The following FAM240A variants were observed in gnomAD, a reference collection of about 807,000 sequenced individuals.
FAM240A encodes the protein family with sequence similarity 240 member A.
In FAM240A, 8 loss-of-function variants were observed where a neutral mutation model predicts 7.3. That is an observed-to-expected ratio of 1.09 (90% CI 0.64 to 1.97). FAM240A has a LOEUF of 1.97. FAM240A is among the 30% of genes most tolerant of loss of function. The pLI is 0.00. For synonymous variants in FAM240A, 32 were observed against 35.9 expected, an observed-to-expected ratio of 0.89 and a Z score of 0.38; for missense variants, 90 against 102.2, an observed-to-expected ratio of 0.88 and a Z score of 0.52.
rs975692471 is a variant in FAM240A, at chr3:46,625,277, G to A, written c.*59G>A. On this transcript the variant is annotated 3_prime_UTR_variant, in exon 3 of 3. Coordinates refer to ENST00000640551, the MANE Select transcript of FAM240A (RefSeq NM_001195442.2). ...AAACACTGAGGTCACTTTGCTAGAA[G>A]TCAGTGCAAATTCCTGAGTCCCTTT... 3 of 1,326,860 alleles carry A rather than the reference G, an allele frequency of 2.3e-6. No individual in the cohort carries two copies. The African/African-American group carries it at 4.4e-5, about 19-fold the overall frequency. 82.2% of individuals were successfully genotyped at this position (1,326,860 alleles called of 1,614,324 possible).
At chr3:46,616,341 T>G (rs1697628730) in intron 1 of FAM240A, among the ~76,000 whole-genome samples, 1 of 151,526 alleles carries the variant, frequency 6.6e-6, no homozygotes, top group Admixed American at 6.6e-5. Flanking sequence ...TCAGCTTCTA[T>G]TTTTTTTTAT....
intron 2 of FAM240A, among the ~76,000 whole-genome samples, chr3:46,620,467 G>A (rs931473765): frequency 6.8e-6 from 1 of 147,286 alleles, no homozygotes; most frequent in African/African-American, 2.5e-5. Context: ...TTTGATGGCC[G>A]TCCATTATAT....
intron 2 of FAM240A, among the ~76,000 whole-genome samples, chr3:46,624,264 A>ATTTCTTTTTT (rs1697730303): frequency 1.0e-5 from 1 of 96,494 alleles, no homozygotes; most frequent in Non-Finnish European, 1.9e-5. Flanking sequence ...ACGGTGGGCT[A>ATTTCTTTTTT]TTTTTTTTTT....
chr3:46,617,176 T>A lies in FAM240A; in HGVS notation c.16-7T>A. ...TTGGTTATTTGTATGGCTATTTTCC[T>A]TTTTAGGGGATGAACAATCAATACA... On this transcript the variant is annotated splice_region_variant and splice_polypyrimidine_tract_variant and intron_variant, in intron 1 of 2. Coordinates refer to ENST00000640551, the MANE Select transcript of FAM240A (RefSeq NM_001195442.2). 6.6e-7 allele frequency: 1 copy of A among 1,516,098 alleles called. No individual in the cohort carries two copies. The highest frequency in any genetic ancestry group is 2.5e-5 in the East Asian group (1 of 40,460). The allele number at this position is 1,516,098 out of a possible 1,614,324, so 93.9% of individuals were successfully genotyped here. A position where few individuals can be genotyped will look rare whatever the true frequency, so the allele number is the denominator to read the frequency against.
At chr3:46,621,480 A>T (rs1254236359) in intron 2 of FAM240A, among the ~76,000 whole-genome samples, 5 of 152,196 alleles carry the variant, frequency 3.3e-5, no homozygotes. Flanking sequence ...TAAACAGCAC[A>T]TAGTTGTCTG....
At chr3:46,617,440 C>T in intron 2 of FAM240A, 112 bp downstream of exon 2, 1 of 894,286 alleles carries the variant, frequency 1.1e-6, no homozygotes, top group Non-Finnish European at 1.6e-6. Context: ...ACTAAGAGTT[C>T]CCTGAGCCCC....
chr3:46,624,192 G>C (rs1697728724), intron 2 of FAM240A, among the ~76,000 whole-genome samples: 1 of 149,508 alleles, frequency 6.7e-6, no homozygotes, highest in African/African-American at 2.5e-5. Context: ...ATTGTACAAA[G>C]TACAACTTTA....
intron 2 of FAM240A, among the ~76,000 whole-genome samples, chr3:46,622,752 G>A (rs572916688): frequency 3.9e-4 from 60 of 152,314 alleles, no homozygotes; most frequent in African/African-American, 1.3e-3. Context: ...TTGGCCCAAT[G>A]TCACACTGCT....
intron 2 of FAM240A, among the ~76,000 whole-genome samples, chr3:46,624,396 C>T (rs113640675): frequency 0.025 from 3,781 of 151,110 alleles, 147 homozygotes; most frequent in African/African-American, 0.084. Context: ...CTCAGCCTTC[C>T]GAGTAGCTGG....
rs1240724810 is a variant in FAM240A, at chr3:46,625,572, C to CAA, written c.*356_*357dup. 6.4e-6 allele frequency: 1 copy of CAA among 157,450 alleles called. No individual in the cohort carries two copies. Among genetic ancestry groups the CAA allele is most frequent in the Admixed American group, 6.4e-5 (1 of 15,616 alleles). 9.8% of individuals were successfully genotyped at this position (157,450 alleles called of 1,614,324 possible). A position where few individuals can be genotyped will look rare whatever the true frequency, so the allele number is the denominator to read the frequency against. ...AAGAGGAATCCTCAACCTTCATGGT[C>CAA]AAACTTTAAACACTGTACAGTGGTA... On this transcript the variant is annotated 3_prime_UTR_variant, in exon 3 of 3. Coordinates refer to ENST00000640551, the MANE Select transcript of FAM240A (RefSeq NM_001195442.2).
intron 1 of FAM240A, among the ~76,000 whole-genome samples, chr3:46,616,693 A>G (rs1330202466): frequency 1.3e-5 from 1 of 79,276 alleles, no homozygotes; most frequent in Non-Finnish European, 2.9e-5. Context: ...ATTCCATTAC[A>G]CACACACACA....
chr3:46,624,767 G>A (rs1207025262), intron 2 of FAM240A, among the ~76,000 whole-genome samples: 1 of 151,790 alleles, frequency 6.6e-6, no homozygotes, highest in Non-Finnish European at 1.5e-5. Flanking sequence ...GTTTGCATAC[G>A]TCTAAAAATA....
chr3:46,621,834 T>G (rs922403131), intron 2 of FAM240A, among the ~76,000 whole-genome samples: 1 of 152,150 alleles, frequency 6.6e-6, no homozygotes, highest in Non-Finnish European at 1.5e-5. Flanking sequence ...TATTTTAGTA[T>G]AAATTGGTGA....
Position 46,612,678 on chromosome 3 carries a change from C to T in FAM240A, c.-6C>T. 1 of 1,535,616 alleles carries T rather than the reference C, an allele frequency of 6.5e-7. No individual in the cohort carries two copies. The highest frequency in any genetic ancestry group is 8.7e-7 in the Non-Finnish European group (1 of 1,146,390). On this transcript the variant is annotated 5_prime_UTR_variant, in exon 1 of 3. Coordinates refer to ENST00000640551, the MANE Select transcript of FAM240A (RefSeq NM_001195442.2). The stretch of plus-strand genomic sequence containing the variant: ...TTCGACTGAATCGATGTCTTCACAT[C>T]CCTTCATGCGGTTGTTCTCTGTAAG...
At chr3:46,622,551 T>G (rs993711835) in intron 2 of FAM240A, among the ~76,000 whole-genome samples, 2 of 152,336 alleles carry the variant, frequency 1.3e-5, no homozygotes, top group African/African-American at 2.4e-5. Flanking sequence ...CCTTTTGACT[T>G]AATTTTTAAT....
chr3:46,616,758 T>C (rs114841936), intron 1 of FAM240A, among the ~76,000 whole-genome samples: 315 of 151,362 alleles, frequency 2.1e-3, no homozygotes, highest in African/African-American at 7.0e-3. Flanking sequence ...CAGTCATAAG[T>C]TAATGAGCAC....
intron 1 of FAM240A, among the ~76,000 whole-genome samples, chr3:46,614,319 G>A (rs1056304189): frequency 6.6e-6 from 1 of 152,120 alleles, no homozygotes; most frequent in African/African-American, 2.4e-5. Flanking sequence ...TACAAAATTG[G>A]TGATAGTAGC....
intron 2 of FAM240A, among the ~76,000 whole-genome samples, chr3:46,621,600 A>C (rs1575386518): frequency 6.6e-6 from 1 of 152,234 alleles, no homozygotes; most frequent in East Asian, 1.9e-4. Flanking sequence ...TCCCTATAAA[A>C]AATACAAAAA....
rs1697641214 is a variant in FAM240A, at chr3:46,617,282, T to C, written c.115T>C (p.Tyr39His). Residue 39 changes from tyrosine to histidine, a missense_variant, in exon 2 of 3, where the codon TAC (tyrosine) becomes CAC (histidine). By Grantham distance (83) the Tyr-to-His change is moderately conservative. Coordinates refer to ENST00000640551, the MANE Select transcript of FAM240A (RefSeq NM_001195442.2). ...WEREIGKQTY[Y>H]RESEERRLGR... ...AAGGGAAATTGGCAAACAGACTTAC[T>C]ACCGAGAATCAGAGGAACGTCGTCT... is the stretch of plus-strand genomic sequence containing the variant. The C allele has an allele frequency of 1.3e-6, 2 of 1,535,288 alleles. No homozygotes were observed. The highest frequency in any genetic ancestry group is 1.7e-6 in the Non-Finnish European group (2 of 1,146,464).
Sources: gnomAD v4.1 joint callset for allele counts (sites outside exome capture counted in the v4.1 genomes callset) on GRCh38, gnomAD v4.1.1 for gene constraint, MANE v1.5 for transcripts, NCBI Gene and HGNC (gene_info 2026-07-23, HGNC 2026-07-21) for gene names.